Variants in KALRN observed in about 807,000 individuals in gnomAD.
KALRN encodes kalirin RhoGEF kinase.
KALRN carries 70 observed loss-of-function variants against 353.7 expected under a neutral mutation model. The ratio of observed to expected loss-of-function variants is 0.20; its 90% CI spans 0.16 to 0.24. The LOEUF is 0.24. Ranked by LOEUF, KALRN falls within the 10% of genes least tolerant of loss-of-function variation. The probability of loss-of-function intolerance (pLI) is 1.00; values close to 1 mark genes in which losing one functional copy is unlikely to be tolerated. For synonymous variants in KALRN, 1,391 were observed against 1,434.8 expected, an observed-to-expected ratio of 0.97 and a Z score of 0.69; for missense variants, 2,791 against 3,756.7, an observed-to-expected ratio of 0.74 and a Z score of 6.72.
At chr3:124,612,054 C>T (rs1309922825) in intron 34 of KALRN, among the ~76,000 whole-genome samples, 13 of 152,128 alleles carry the variant, frequency 8.5e-5, no homozygotes, top group Non-Finnish European at 1.3e-4. Context: ...GATGGAGTCT[C>T]GCTCTTGTAG....
intron 9 of KALRN, among the ~76,000 whole-genome samples, chr3:124,337,026 G>A (rs1245350716): frequency 1.3e-5 from 2 of 152,180 alleles, no homozygotes; most frequent in Non-Finnish European, 2.9e-5. Context: ...TTGAGACTTT[G>A]CTGGAGTTGC....
intron 34 of KALRN, among the ~76,000 whole-genome samples, chr3:124,564,155 A>G (rs1334311007): frequency 2.8e-5 from 4 of 145,122 alleles, no homozygotes; most frequent in African/African-American, 5.1e-5. Flanking sequence ...CAGTGAGTCG[A>G]GATCGCGCCA....
At chr3:124,608,010 A>ATT (rs11306987) in intron 34 of KALRN, among the ~76,000 whole-genome samples, 2 of 138,948 alleles carry the variant, frequency 1.4e-5, no homozygotes, top group Admixed American at 7.2e-5. Context: ...CTCTTTTTTA[A>ATT]TTTTTTTTTT....
chr3:124,418,458 G>A (rs934659003), intron 14 of KALRN, among the ~76,000 whole-genome samples: 3 of 152,174 alleles, frequency 2.0e-5, no homozygotes, highest in Non-Finnish European at 4.4e-5. Context: ...TTTCTGAACT[G>A]AGTGTTAGGT....
chr3:124,555,414 AAAATAAATAAATAAATAAATAAAT>A (rs199686367), intron 33 of KALRN, among the ~76,000 whole-genome samples: 1 of 137,116 alleles, frequency 7.3e-6, no homozygotes. Context: ...ACTCTGTCCC[AAAATAAATAAATAAATAAATAAAT>A]AAATAAATAA....
chr3:124,230,907 C>A (rs1441178930), intron 2 of KALRN, among the ~76,000 whole-genome samples: 9 of 146,934 alleles, frequency 6.1e-5, no homozygotes, highest in African/African-American at 2.2e-4. Flanking sequence ...ACTCTTACAT[C>A]CTGAGCTTTT....
rs138029761 is a variant in KALRN, at chr3:124,256,561, G to A, written c.264-7937G>A. Among the ~76,000 whole-genome samples the A allele has an allele frequency of 6.8e-3, 1,032 of 152,296 alleles. 12 individuals are homozygous for A. The highest frequency in any genetic ancestry group is 0.023 in the African/African-American group (960 of 41,544). On this transcript the variant is annotated intron_variant, in intron 3 of 59. Transcript: ENST00000682506. ...CCACTTTGGGGGATTGTCTTCAATAGTGGGCTGCTAAATTGTGATCTCTGC... is the reference window on the plus strand; with the variant it reads ...CCACTTTGGGGGATTGTCTTCAATAATGGGCTGCTAAATTGTGATCTCTGC...
intron 39 of KALRN, among the ~76,000 whole-genome samples, chr3:124,656,574 G>C (rs1489646735): frequency 6.6e-6 from 1 of 152,130 alleles, no homozygotes; most frequent in Non-Finnish European, 1.5e-5. Flanking sequence ...TCGCGCCACC[G>C]CACTCCAGCC....
At position 124,203,571 on chromosome 3, in the gene KALRN, T is replaced by C. The variant is rs143059105; in HGVS notation, c.74-24419T>C. Among the ~76,000 whole-genome samples, 1,400 of 152,308 alleles carry C rather than the reference T, an allele frequency of 9.2e-3. 11 individuals are homozygous for C. Among genetic ancestry groups the C allele is most frequent in the Admixed American group, 0.019 (291 of 15,300 alleles). Reference sequence around the variant, plus strand: ...GGAGGGACCCAGGCAGCAGCTTCCATGGCTTTATACGTATTGCTTGGAATA... The same window carrying C: ...GGAGGGACCCAGGCAGCAGCTTCCACGGCTTTATACGTATTGCTTGGAATA... On this transcript the variant is annotated intron_variant, in intron 1 of 59. Transcript: ENST00000682506.
At chr3:124,209,338 C>T (rs930468655) in intron 1 of KALRN, among the ~76,000 whole-genome samples, 2 of 151,792 alleles carry the variant, frequency 1.3e-5, no homozygotes, top group African/African-American at 4.8e-5. Flanking sequence ...AACCCCATCT[C>T]TATTAAAAAT....
At chr3:124,593,276 G>T (rs1334918757) in intron 34 of KALRN, among the ~76,000 whole-genome samples, 2 of 152,174 alleles carry the variant, frequency 1.3e-5, no homozygotes, top group East Asian at 1.9e-4. Context: ...TCTGTGCAGT[G>T]CTCCTTCTCT....
At chr3:124,163,333 G>T (rs1372187288) in intron 1 of KALRN, 3 of 152,374 alleles carry the variant, frequency 2.0e-5, no homozygotes, top group Non-Finnish European at 4.4e-5. Context: ...AGGAGCCATG[G>T]ATTCCATGAT....
At chr3:124,103,154 A>G (rs1234622957) in intron 1 of KALRN, among the ~76,000 whole-genome samples, 1 of 152,204 alleles carries the variant, frequency 6.6e-6, no homozygotes, top group Non-Finnish European at 1.5e-5. Context: ...CTTCCCTGTC[A>G]GCAGGTAGTA....
rs189784345 is a variant in KALRN at position 124,249,237 on chromosome 3, C to T, written c.263+14294C>T. Among the ~76,000 whole-genome samples the T allele has an allele frequency of 3.3e-3, 497 of 152,250 alleles. 1 individual carries two copies. Among genetic ancestry groups the T allele is most frequent in the South Asian group, 4.6e-3 (22 of 4,808 alleles). ...AATGGGGTGGGGAATGGGGGAGGGA[C>T]CCAGTTCTTGCCTTCAGGAGGTTTG... On this transcript the variant is annotated intron_variant, in intron 3 of 59. Transcript: ENST00000682506.
chr3:124,496,196 T>G, intron 32 of KALRN, 115 bp from the exon 33 acceptor site: 1 of 703,316 alleles, frequency 1.4e-6, no homozygotes, highest in East Asian at 2.7e-5. Flanking sequence ...GACAAATCCC[T>G]GCTAGAAAGT....
At chr3:124,252,792 C>T (rs1289084370) in intron 3 of KALRN, among the ~76,000 whole-genome samples, 1 of 152,174 alleles carries the variant, frequency 6.6e-6, no homozygotes, top group Non-Finnish European at 1.5e-5. Context: ...TCACCCATGA[C>T]CCAGCGGAGA....
intron 6 of KALRN, among the ~76,000 whole-genome samples, chr3:124,307,865 C>CA (rs1039252945): frequency 4.6e-5 from 7 of 151,752 alleles, no homozygotes; most frequent in Admixed American, 4.6e-4. Flanking sequence ...GTAACACTGT[C>CA]AAAAAACATT....
At chr3:124,704,428 G>A (rs2062497857) in intron 57 of KALRN, among the ~76,000 whole-genome samples, 2 of 152,200 alleles carry the variant, frequency 1.3e-5, no homozygotes, top group Non-Finnish European at 2.9e-5. Context: ...TTGTTTTAAA[G>A]TCTCTAACAG....
At chr3:124,056,892 A>G (rs77475727) in intron 1 of KALRN, among the ~76,000 whole-genome samples, 3,202 of 152,344 alleles carry the variant, frequency 0.021, 37 homozygotes, top group Non-Finnish European at 0.036. Flanking sequence ...ATCTATGTGT[A>G]ACAACTACTC....
Sources: gnomAD v4.1 joint callset for allele counts (sites outside exome capture counted in the v4.1 genomes callset) on GRCh38, gnomAD v4.1.1 for gene constraint, MANE v1.5 for transcripts, NCBI Gene and HGNC (gene_info 2026-07-23, HGNC 2026-07-21) for gene names.